ST6GALNAC3: variants seen among roughly 807,000 people sequenced by gnomAD.
The protein encoded by ST6GALNAC3 is alpha-N-acetylgalactosaminide alpha-2,6-sialyltransferase 3.
Under a neutral mutation model 32.7 loss-of-function variants are expected in ST6GALNAC3, and 25 were observed. The ratio of observed to expected loss-of-function variants is 0.76; its 90% CI spans 0.56 to 1.07. ST6GALNAC3 has a LOEUF of 1.07. Ranked by LOEUF, ST6GALNAC3 falls within the 50% of genes least tolerant of loss-of-function variation. ST6GALNAC3 has a pLI of 0.00. For missense variants in ST6GALNAC3, 355 were observed against 382.4 expected (o/e 0.93, Z 0.60); for synonymous variants, 129 against 133.1 (o/e 0.97, Z 0.21).
chr1:76,262,011 C>G lies in ST6GALNAC3; in HGVS notation c.19-51794C>G, dbSNP rs529462721. On this transcript the variant is annotated intron_variant, in intron 1 of 4. Transcript: ENST00000328299. ...AAGACTGAGATGAAACTTATAGAGA[C>G]CTTGCCTCACCCTTTCATTTGCCGA... Among the ~76,000 whole-genome samples, 6 of 152,246 alleles carry G rather than the reference C, an allele frequency of 3.9e-5. No individual in the cohort carries two copies. In the South Asian group the frequency reaches 8.3e-4, roughly 21 times the overall value.
chr1:76,177,044 T>C (rs1652899710), intron 1 of ST6GALNAC3, among the ~76,000 whole-genome samples: 1 of 152,202 alleles, frequency 6.6e-6, no homozygotes, highest in Non-Finnish European at 1.5e-5. Flanking sequence ...TACTGAACTC[T>C]AGCTTAGGCA....
intron 1 of ST6GALNAC3, among the ~76,000 whole-genome samples, chr1:76,112,219 ACGGGGCGGCTGGCCGGGCGGGGGGCTG>A (rs1648041198): frequency 1.5e-5 from 2 of 137,320 alleles, no homozygotes; most frequent in Non-Finnish European, 1.6e-5. Context: ...CACCTCCCGG[ACGGGGCGGCTGGCCGGGCGGGGGGCTG>A]ACCCCCCCAC....
intron 1 of ST6GALNAC3, among the ~76,000 whole-genome samples, chr1:76,300,340 G>C (rs149080233): frequency 2.0e-3 from 307 of 152,052 alleles, no homozygotes; most frequent in African/African-American, 7.1e-3. Flanking sequence ...GGCCAGAGTG[G>C]GAGCCATGTG....
intron 1 of ST6GALNAC3, among the ~76,000 whole-genome samples, chr1:76,267,006 G>A (rs1658568387): frequency 6.6e-6 from 1 of 152,204 alleles, no homozygotes; most frequent in African/African-American, 2.4e-5. Context: ...ACTAGAAGCA[G>A]GCAATGCCAA....
At chr1:76,529,690 A>G (rs1663133540) in intron 3 of ST6GALNAC3, among the ~76,000 whole-genome samples, 2 of 152,182 alleles carry the variant, frequency 1.3e-5, no homozygotes, top group African/African-American at 4.8e-5. Flanking sequence ...TAGTGCCTCA[A>G]GGAAAAGATA....
chr1:76,272,047 G>A (rs1329065768), intron 1 of ST6GALNAC3, among the ~76,000 whole-genome samples: 1 of 152,032 alleles, frequency 6.6e-6, no homozygotes, highest in South Asian at 2.1e-4. Flanking sequence ...AAAAATTAAA[G>A]CCGGGCGCGG....
intron 3 of ST6GALNAC3, among the ~76,000 whole-genome samples, chr1:76,494,030 A>G (rs1053402508): frequency 2.6e-5 from 4 of 152,072 alleles, no homozygotes; most frequent in Non-Finnish European, 5.9e-5. Context: ...CTACAACTCT[A>G]TGAAGTTTTT....
chr1:76,563,010 G>T (rs916430798), intron 3 of ST6GALNAC3, among the ~76,000 whole-genome samples: 1 of 152,166 alleles, frequency 6.6e-6, no homozygotes, highest in Admixed American at 6.5e-5. Flanking sequence ...CTGGAATCCT[G>T]AGAAGGTACT....
intron 2 of ST6GALNAC3, among the ~76,000 whole-genome samples, chr1:76,372,836 T>C (rs1650932854): frequency 6.6e-6 from 1 of 152,210 alleles, no homozygotes; most frequent in Admixed American, 6.5e-5. Flanking sequence ...GGAGCAAACC[T>C]ATCTCCTCAC....
At chr1:76,587,618 G>A (rs1646982330) in intron 3 of ST6GALNAC3, among the ~76,000 whole-genome samples, 1 of 152,168 alleles carries the variant, frequency 6.6e-6, no homozygotes, top group Admixed American at 6.5e-5. Flanking sequence ...CTCTAAATTG[G>A]TCTCTTCATC....
intron 1 of ST6GALNAC3, among the ~76,000 whole-genome samples, chr1:76,284,849 C>T (rs1659690329): frequency 1.3e-5 from 2 of 151,994 alleles, no homozygotes; most frequent in Admixed American, 1.3e-4. Context: ...GTCCTTCAGT[C>T]CCCCAAGCAG....
At chr1:76,486,806 G>A (rs1277669495) in intron 3 of ST6GALNAC3, among the ~76,000 whole-genome samples, 2 of 152,218 alleles carry the variant, frequency 1.3e-5, no homozygotes, top group Non-Finnish European at 2.9e-5. Flanking sequence ...AGTTGATGCA[G>A]TTTCTTCCTA....
At chr1:76,490,537 G>A (rs1295345834) in intron 3 of ST6GALNAC3, among the ~76,000 whole-genome samples, 3 of 150,466 alleles carry the variant, frequency 2.0e-5, no homozygotes, top group African/African-American at 7.3e-5. Context: ...TGTATCTCAA[G>A]TGTTTTGAAC....
chr1:76,348,746 C>CA (rs1648724543), intron 2 of ST6GALNAC3, among the ~76,000 whole-genome samples: 1 of 149,914 alleles, frequency 6.7e-6, no homozygotes, highest in Non-Finnish European at 1.5e-5. Context: ...GCATGCATGC[C>CA]TATATATATA....
At chr1:76,165,229 C>A (rs1652046835) in intron 1 of ST6GALNAC3, among the ~76,000 whole-genome samples, 1 of 152,088 alleles carries the variant, frequency 6.6e-6, no homozygotes, top group South Asian at 2.1e-4. Flanking sequence ...TCTGTGTGTT[C>A]TCATCATTTA....
intron 1 of ST6GALNAC3, among the ~76,000 whole-genome samples, chr1:76,157,514 A>C (rs1388419538): frequency 6.6e-6 from 1 of 152,222 alleles, no homozygotes; most frequent in African/African-American, 2.4e-5. Context: ...AGTTTTACAG[A>C]CTGCATACAT....
At chr1:76,179,479 CCA>C (rs1653046295) in intron 1 of ST6GALNAC3, among the ~76,000 whole-genome samples, 1 of 152,180 alleles carries the variant, frequency 6.6e-6, no homozygotes. Context: ...TGGATTATTG[CCA>C]CAGTCTACTA....
intron 1 of ST6GALNAC3, among the ~76,000 whole-genome samples, chr1:76,258,694 G>A (rs571117147): frequency 2.8e-4 from 43 of 152,176 alleles, no homozygotes; most frequent in African/African-American, 7.9e-4. Context: ...TGGGTACCCC[G>A]GCATTGTAAG....
chr1:76,599,109 A>G (rs1017833263), intron 3 of ST6GALNAC3, among the ~76,000 whole-genome samples: 11 of 152,054 alleles, frequency 7.2e-5, no homozygotes, highest in Non-Finnish European at 1.3e-4. Context: ...CATAAGTTTG[A>G]TAGAAGAATG....
Sources: allele counts gnomAD v4.1 joint callset (sites outside exome capture counted in the v4.1 genomes callset), GRCh38; gene constraint gnomAD v4.1.1; transcripts MANE v1.5; gene names NCBI Gene and HGNC (gene_info 2026-07-23, HGNC 2026-07-21).